Variants in NAP1L4 observed in about 807,000 individuals in gnomAD.
NAP1L4 encodes the protein nucleosome assembly protein 1 like 4, also known as nucleosome assembly protein 1-like 4.
Under a neutral mutation model 58.2 loss-of-function variants are expected in NAP1L4, and 15 were observed. That is an observed-to-expected ratio of 0.26 (90% CI 0.17 to 0.40). The LOEUF (loss-of-function observed/expected upper bound fraction) is 0.40. Ranked by LOEUF, NAP1L4 falls within the 10% of genes least tolerant of loss-of-function variation. The pLI is 1.00. For missense variants in NAP1L4, 384 were observed against 451.1 expected (o/e 0.85, Z 1.35); for synonymous variants, 171 against 155.6 (o/e 1.10, Z -0.74).
At chr11:2,983,751 T>A (rs1419645903) in intron 1 of NAP1L4, 1 of 151,910 alleles carries the variant, frequency 6.6e-6, no homozygotes, top group Non-Finnish European at 1.5e-5. Context: ...CCTACCCCTA[T>A]CACAGATCAC....
intron 1 of NAP1L4, among the ~76,000 whole-genome samples, chr11:2,987,519 G>A (rs1346184132): frequency 6.6e-6 from 1 of 151,248 alleles, no homozygotes; most frequent in Non-Finnish European, 1.5e-5. Context: ...ACTTTGAGAG[G>A]CCCAGGTGGG....
chr11:2,982,985 A>C (rs1294387067), intron 1 of NAP1L4, among the ~76,000 whole-genome samples: 1 of 152,130 alleles, frequency 6.6e-6, no homozygotes, highest in Non-Finnish European at 1.5e-5. Flanking sequence ...GCACCACTGC[A>C]CTCCAGCCTG....
chr11:2,967,971 C>T (rs989192501), intron 7 of NAP1L4, among the ~76,000 whole-genome samples: 1 of 152,132 alleles, frequency 6.6e-6, no homozygotes, highest in Non-Finnish European at 1.5e-5. Context: ...CAGAAGGGGA[C>T]ACCAAAACTC....
intron 6 of NAP1L4, 47 bp from the exon 7 acceptor site, chr11:2,969,981 C>A: frequency 6.3e-7 from 1 of 1,575,958 alleles, no homozygotes. Flanking sequence ...AGTTTACAAA[C>A]AATGCAGCGG....
intron 6 of NAP1L4, among the ~76,000 whole-genome samples, chr11:2,970,906 T>C (rs964443348): frequency 6.6e-6 from 1 of 151,218 alleles, no homozygotes; most frequent in Non-Finnish European, 1.5e-5. Context: ...GTTACTTGTC[T>C]CCCAAACATA....
At chr11:2,991,091 C>A (rs1412299417) in intron 1 of NAP1L4, 2 of 456,576 alleles carry the variant, frequency 4.4e-6, no homozygotes, top group South Asian at 3.1e-5. Context: ...GACGATTCCT[C>A]CGAGAACATA....
At chr11:2,979,269 T>C (rs1191802526) in intron 1 of NAP1L4, 32 bp from the exon 2 acceptor site, 1 of 1,553,086 alleles carries the variant, frequency 6.4e-7, no homozygotes. Context: ...AATAATTATA[T>C]TCATAAGCAA....
chr11:2,966,934 C>T (rs1212401588), intron 7 of NAP1L4, among the ~76,000 whole-genome samples: 1 of 152,196 alleles, frequency 6.6e-6, no homozygotes, highest in African/African-American at 2.4e-5. Context: ...TAAGGTAATG[C>T]CCCACACTGG....
At chr11:2,986,626 A>ATT (rs66494210) in intron 1 of NAP1L4, among the ~76,000 whole-genome samples, 3,251 of 139,704 alleles carry the variant, frequency 0.023, 107 homozygotes, top group African/African-American at 0.068. Flanking sequence ...ATGGTAGTAA[A>ATT]TTTTTTTTTT....
At chr11:2,962,872 C>T (rs1024321879) in intron 8 of NAP1L4, among the ~76,000 whole-genome samples, 2 of 151,744 alleles carry the variant, frequency 1.3e-5, no homozygotes, top group East Asian at 1.9e-4. Flanking sequence ...AAGGCTGAGG[C>T]GGGTGGATCA....
chr11:2,988,293 T>G (rs1170432876), intron 1 of NAP1L4, among the ~76,000 whole-genome samples: 1 of 152,242 alleles, frequency 6.6e-6, no homozygotes, highest in Non-Finnish European at 1.5e-5. Context: ...CTTAATCCAG[T>G]ACATATTAAA....
chr11:2,960,220 TG>T, intron 8 of NAP1L4: 1 of 283,720 alleles, frequency 3.5e-6, no homozygotes, highest in Non-Finnish European at 6.8e-6. Flanking sequence ...CCTTGCTTCC[TG>T]GAAGGAGGGA....
chr11:2,980,534 T>C (rs1848242159), intron 1 of NAP1L4, among the ~76,000 whole-genome samples: 1 of 152,190 alleles, frequency 6.6e-6, no homozygotes, highest in South Asian at 2.1e-4. Context: ...AACAGCTAAA[T>C]GCACAGCTTA....
chr11:2,954,516 G>T lies in NAP1L4; in HGVS notation c.1035+11C>A, dbSNP rs555541428. 8 of 1,613,512 alleles carry T rather than the reference G, an allele frequency of 5.0e-6. No homozygotes were observed. The South Asian group carries it at 8.8e-5, about 18-fold the overall frequency. Reference sequence around the variant, plus strand: ...ACCCAGGTGGAAGCCCCCCTTCCCCGAGCCTCATACATTGTCATCATCTTC... The same window carrying T: ...ACCCAGGTGGAAGCCCCCCTTCCCCTAGCCTCATACATTGTCATCATCTTC... On this transcript the variant is annotated intron_variant, in intron 12 of 15. Transcript: ENST00000380542. The surrounding 1 kb of genome is among the most constrained non-coding windows in gnomAD (Gnocchi z 4.8).
Position 2,954,438 on chromosome 11 carries a change from T to C in NAP1L4, c.1035+89A>G. On this transcript the variant is annotated intron_variant, in intron 12 of 15. Transcript: ENST00000380542. This position sits in a 1 kb window ranked among gnomAD's most constrained non-coding sequence, Gnocchi z 4.8. ...GATGATGTAATAAAAAGATTAGGCA[T>C]GGGGGTTTCCTAAGCCACAATTCAG... 1 of 1,581,522 alleles carries C rather than the reference T, an allele frequency of 6.3e-7. No individual in the cohort carries two copies. The highest frequency in any genetic ancestry group is 8.7e-7 in the Non-Finnish European group (1 of 1,151,392).
intron 1 of NAP1L4, among the ~76,000 whole-genome samples, chr11:2,986,883 C>T (rs997831140): frequency 3.4e-4 from 51 of 150,368 alleles, no homozygotes; most frequent in African/African-American, 1.3e-3. Context: ...CCTGCCTCAA[C>T]CTCCCAAAGT....
intron 1 of NAP1L4, chr11:2,989,380 T>C (rs1848823459): frequency 6.6e-6 from 1 of 152,212 alleles, no homozygotes; most frequent in Admixed American, 6.5e-5. Flanking sequence ...TTTCAAGCAG[T>C]AACAGCACTC....
At chr11:2,960,367 C>T (rs2071113) in intron 8 of NAP1L4, among the ~76,000 whole-genome samples, 30,931 of 152,054 alleles carry the variant, frequency 0.2, 3,394 homozygotes, top group South Asian at 0.34. Flanking sequence ...AAGCAGTGAC[C>T]CACAGCTTTT....
intron 1 of NAP1L4, among the ~76,000 whole-genome samples, chr11:2,986,225 T>C (rs1238634315): frequency 1.3e-5 from 2 of 151,772 alleles, no homozygotes; most frequent in African/African-American, 2.4e-5. Flanking sequence ...AATACAAAAA[T>C]CAGCTGGGCA....
Sources: gnomAD v4.1 joint callset for allele counts (sites outside exome capture counted in the v4.1 genomes callset) on GRCh38, gnomAD v4.1.1 for gene constraint, Gnocchi (gnomAD v3.1) non-coding constraint, MANE v1.5 for transcripts, NCBI Gene and HGNC (gene_info 2026-07-23, HGNC 2026-07-21) for gene names.